The following TANC1 variants were observed in gnomAD, a reference collection of about 807,000 sequenced individuals.
TANC1 encodes tetratricopeptide repeat, ankyrin repeat and coiled-coil containing 1.
In TANC1, 77 loss-of-function variants were observed where a neutral mutation model predicts 149.7. That is an observed-to-expected ratio of 0.51 (90% CI 0.43 to 0.62). The LOEUF (loss-of-function observed/expected upper bound fraction) is 0.62. TANC1 is among the 20% of genes least tolerant of loss of function. TANC1 has a pLI of 0.00. For synonymous variants in TANC1, 854 were observed against 925.0 expected, an observed-to-expected ratio of 0.92 and a Z score of 1.39; for missense variants, 1,985 against 2,321.8, an observed-to-expected ratio of 0.85 and a Z score of 2.98.
At chr2:158,978,358 G>A (rs2033930144) in intron 1 of TANC1, among the ~76,000 whole-genome samples, 2 of 152,172 alleles carry the variant, frequency 1.3e-5, no homozygotes, top group South Asian at 4.1e-4. Flanking sequence ...CAGGACCCAG[G>A]ATTCAGACCT....
At chr2:159,193,294 G>A (rs1219872066) in intron 16 of TANC1, among the ~76,000 whole-genome samples, 1 of 152,122 alleles carries the variant, frequency 6.6e-6, no homozygotes, top group African/African-American at 2.4e-5. Context: ...CATATGGCAG[G>A]ATTTTCTCCC....
chr2:159,044,330 C>T (rs796294022), intron 2 of TANC1, among the ~76,000 whole-genome samples: 13 of 151,634 alleles, frequency 8.6e-5, no homozygotes, highest in African/African-American at 1.7e-4. Flanking sequence ...CCAAGCTACT[C>T]GGGAGGCTGA....
intron 11 of TANC1, among the ~76,000 whole-genome samples, chr2:159,173,816 A>G (rs1055257942): frequency 2.0e-5 from 3 of 152,218 alleles, no homozygotes; most frequent in Non-Finnish European, 4.4e-5. Flanking sequence ...AATTTAATCT[A>G]AACCAAAAGT....
In TANC1 at chr2:159,230,653, A is replaced by G. The variant is rs373480339; in HGVS notation, c.5227A>G (p.Ser1743Gly). 2 of 1,614,206 alleles carry G rather than the reference A, an allele frequency of 1.2e-6. No individual in the cohort carries two copies. The highest frequency in any genetic ancestry group is 2.2e-5 in the East Asian group (1 of 44,888). The change falls in exon 27 of 27, where the codon AGC (serine) becomes GGC (glycine). Residue 1743 changes from serine (S) to glycine (G), a missense_variant. Coordinates refer to ENST00000263635, the MANE Select transcript of TANC1 (RefSeq NM_033394.3). This position sits in a 1 kb window ranked among gnomAD's most constrained non-coding sequence, Gnocchi z 4.4. The part of the protein sequence containing the change: ...FQQQSNPPSR[S>G]WHCPAPEGLL... ...ACAGCAGAGCAATCCTCCAAGCCGC[A>G]GCTGGCACTGTCCGGCACCAGAGGG... is the stretch of plus-strand genomic sequence containing the variant.
At chr2:159,090,755 C>A (rs2045442270) in intron 3 of TANC1, among the ~76,000 whole-genome samples, 1 of 152,234 alleles carries the variant, frequency 6.6e-6, no homozygotes, top group Non-Finnish European at 1.5e-5. Flanking sequence ...TGACCGGAGC[C>A]AGCGCCACTG....
At chr2:159,219,567 G>A (rs2059559853) in intron 21 of TANC1, 125 bp from the exon 22 acceptor site, 2 of 1,345,542 alleles carry the variant, frequency 1.5e-6, no homozygotes, top group Non-Finnish European at 2.1e-6. Flanking sequence ...TCCGGCCAGT[G>A]TCACCCTTCA....
intron 19 of TANC1, among the ~76,000 whole-genome samples, chr2:159,202,223 G>A (rs1559450489): frequency 1.3e-5 from 2 of 152,186 alleles, no homozygotes; most frequent in Non-Finnish European, 1.5e-5. Flanking sequence ...CACCCTTAGA[G>A]CCCTGCACAT....
At chr2:159,174,085 T>G (rs10929936) in intron 11 of TANC1, among the ~76,000 whole-genome samples, 41,382 of 152,108 alleles carry the variant, frequency 0.27, 6,021 homozygotes, top group East Asian at 0.59. Flanking sequence ...CAGGTAGCTC[T>G]TGGCACGAGT....
intron 1 of TANC1, among the ~76,000 whole-genome samples, chr2:158,976,696 C>A (rs1440821998): frequency 2.6e-5 from 4 of 152,128 alleles, no homozygotes; most frequent in Admixed American, 2.6e-4. Flanking sequence ...GCCTGGCCAA[C>A]ATGGTGAAAC....
At chr2:159,221,288 C>T (rs940776763) in intron 22 of TANC1, among the ~76,000 whole-genome samples, 9 of 151,960 alleles carry the variant, frequency 5.9e-5, no homozygotes, top group East Asian at 1.9e-4. Context: ...GGGTGAGGCA[C>T]GAGAATCACT....
At chr2:159,086,699 CAG>C (rs1466778449) in intron 3 of TANC1, among the ~76,000 whole-genome samples, 2 of 152,072 alleles carry the variant, frequency 1.3e-5, no homozygotes, top group Admixed American at 6.6e-5. Flanking sequence ...TAAAACATGT[CAG>C]AATATATGTC....
chr2:159,096,873 T>C (rs1265331648), intron 3 of TANC1, among the ~76,000 whole-genome samples: 1 of 152,136 alleles, frequency 6.6e-6, no homozygotes, highest in African/African-American at 2.4e-5. Flanking sequence ...AACCAGGAAG[T>C]TAAACTTTAA....
intron 5 of TANC1, among the ~76,000 whole-genome samples, chr2:159,144,037 G>A (rs924205428): frequency 6.6e-6 from 1 of 151,502 alleles, no homozygotes; most frequent in Admixed American, 6.6e-5. Flanking sequence ...TTTTAAGAGT[G>A]AATTCTGAGA....
intron 7 of TANC1, among the ~76,000 whole-genome samples, chr2:159,152,463 A>ATTTTTT (rs55894080): frequency 1.2e-4 from 14 of 118,136 alleles, no homozygotes; most frequent in Admixed American, 1.8e-4. Context: ...TTATAACCAA[A>ATTTTTT]TTTTTTTTTT....
At chr2:159,040,981 C>G (rs980260004) in intron 2 of TANC1, among the ~76,000 whole-genome samples, 1 of 152,160 alleles carries the variant, frequency 6.6e-6, no homozygotes, top group African/African-American at 2.4e-5. Flanking sequence ...TGATGCTATT[C>G]CTTTCTGTTT....
intron 1 of TANC1, among the ~76,000 whole-genome samples, chr2:158,979,676 G>C (rs2034081699): frequency 6.6e-6 from 1 of 152,058 alleles, no homozygotes; most frequent in Non-Finnish European, 1.5e-5. Context: ...TTATTTTCAT[G>C]AGTCTTTGGA....
At chr2:159,121,383 G>T (rs1179448927) in intron 4 of TANC1, among the ~76,000 whole-genome samples, 3 of 152,214 alleles carry the variant, frequency 2.0e-5, no homozygotes, top group African/African-American at 7.2e-5. Context: ...GCCCAGGCTG[G>T]AGTGCAATGG....
At chr2:159,222,061 TGTCAGA>T (rs2059740336) in intron 22 of TANC1, among the ~76,000 whole-genome samples, 1 of 152,226 alleles carries the variant, frequency 6.6e-6, no homozygotes, top group Middle Eastern at 3.2e-3. Flanking sequence ...AAGGCAGCGC[TGTCAGA>T]GTTCAATGGT....
At chr2:159,049,475 C>T (rs537035139) in intron 2 of TANC1, among the ~76,000 whole-genome samples, 1 of 152,134 alleles carries the variant, frequency 6.6e-6, no homozygotes, top group Non-Finnish European at 1.5e-5. Flanking sequence ...ACTGCTTCAT[C>T]ATCAGCAGGG....
Sources: gnomAD v4.1 joint callset for allele counts (sites outside exome capture counted in the v4.1 genomes callset) on GRCh38, gnomAD v4.1.1 for gene constraint, Gnocchi (gnomAD v3.1) non-coding constraint, MANE v1.5 for transcripts, NCBI Gene and HGNC (gene_info 2026-07-23, HGNC 2026-07-21) for gene names.